The following CROCC2 variants were observed in gnomAD, a reference collection of about 807,000 sequenced individuals.
CROCC2 encodes ciliary rootlet coiled-coil, rootletin family member 2.
CROCC2 carries 163 observed loss-of-function variants against 177.6 expected under a neutral mutation model. The ratio of observed to expected loss-of-function variants is 0.92; its 90% CI spans 0.81 to 1.05. CROCC2 has a LOEUF of 1.05. Among genes scored for constraint, CROCC2 ranks in the 50% least tolerant of loss-of-function variants. CROCC2 has a pLI of 0.00. For missense variants in CROCC2, 1,929 were observed against 1,797.8 expected (o/e 1.07, Z -1.32); for synonymous variants, 904 against 787.3 (o/e 1.15, Z -2.48).
intron 24 of CROCC2, 108 bp downstream of exon 24, chr2:240,966,101 A>G: frequency 7.9e-7 from 1 of 1,268,902 alleles, no homozygotes; most frequent in Non-Finnish European, 9.9e-7. Context: ...TCGGACAGGC[A>G]ATTGTAGGAA....
Position 240,917,653 on chromosome 2 carries a change from C to G in CROCC2, c.79-1073C>G, listed in dbSNP as rs992383221. Reference sequence around the variant, plus strand: ...CAGGCAAGGAGGACTTGGGTGGACTCTGGCGTGCCATGCTGGAGAGCCCTA... The same window carrying G: ...CAGGCAAGGAGGACTTGGGTGGACTGTGGCGTGCCATGCTGGAGAGCCCTA... On this transcript the variant is annotated intron_variant, in intron 1 of 31. Transcript: ENST00000690015. The surrounding 1 kb of genome is among the most constrained non-coding windows in gnomAD (Gnocchi z 4.9). 1.3e-5 allele frequency among the ~76,000 whole-genome samples: 2 copies of G among 152,138 alleles called. No individual in the cohort carries two copies. The highest frequency in any genetic ancestry group is 4.8e-5 in the African/African-American group (2 of 41,438).
chr2:240,933,900 C>T (rs2059450252), intron 11 of CROCC2, 48 bp downstream of exon 11: 1 of 1,510,648 alleles, frequency 6.6e-7, no homozygotes, highest in African/African-American at 1.4e-5. Context: ...CAGAAGAGAC[C>T]CCACTCTGCC....
Position 240,964,503 on chromosome 2 carries a change from C to T in CROCC2, c.3343C>T (p.Leu1115Phe), listed in dbSNP as rs1469012355. 6.5e-7 allele frequency: 1 copy of T among 1,549,074 alleles called. No individual in the cohort carries two copies. The highest frequency in any genetic ancestry group is 8.7e-7 in the Non-Finnish European group (1 of 1,146,872). The change falls in exon 22 of 32, where the codon CTC (leucine) becomes TTC (phenylalanine). Residue 1115 changes from leucine (L) to phenylalanine (F), a missense_variant. Leu to Phe is a conservative substitution (Grantham distance 22, BLOSUM62 0). Around this residue, in one of 3 missense-constraint regions of CROCC2, gnomAD observed 1,397 missense variants for 1,239.9 expected, o/e 1.13. Transcript: ENST00000690015. Reference protein sequence around the residue: ...RSKEEKEQKLLILEEAQAALQ... With the variant: ...RSKEEKEQKLFILEEAQAALQ... ...CAAGGAGGAGAAGGAGCAGAAGCTGCTCATCCTGGAGGAGGCCCAGGCGGC... is the reference window on the plus strand; with the variant it reads ...CAAGGAGGAGAAGGAGCAGAAGCTGTTCATCCTGGAGGAGGCCCAGGCGGC...
chr2:240,946,678 C>G (rs1163408806), intron 15 of CROCC2, among the ~76,000 whole-genome samples: 1 of 152,240 alleles, frequency 6.6e-6, no homozygotes, highest in African/African-American at 2.4e-5. Flanking sequence ...GGCAGGCTTA[C>G]TCTGAGAGGT....
intron 20 of CROCC2, among the ~76,000 whole-genome samples, chr2:240,961,563 TCACA>T (rs369468778): frequency 0.015 from 1,165 of 78,568 alleles, 14 homozygotes; most frequent in Middle Eastern, 0.065. Flanking sequence ...CTCATCACAC[TCACA>T]CACTCATCAC....
chr2:240,943,935 G>T (rs2059508525), intron 14 of CROCC2, among the ~76,000 whole-genome samples: 2 of 152,172 alleles, frequency 1.3e-5, no homozygotes, highest in South Asian at 4.1e-4. Context: ...GACTGCGTTA[G>T]TATCTCTCTA....
At chr2:240,954,768 A>C (rs1014935693) in intron 18 of CROCC2, 12 of 152,192 alleles carry the variant, frequency 7.9e-5, no homozygotes, top group African/African-American at 2.9e-4. Context: ...CGGGTCTTTC[A>C]GCAGACAGTC....
At chr2:240,991,640 C>A (rs1048213945) in intron 31 of CROCC2, among the ~76,000 whole-genome samples, 1 of 152,212 alleles carries the variant, frequency 6.6e-6, no homozygotes, top group African/African-American at 2.4e-5. Context: ...CCTTCCCCTC[C>A]GGCAGAGAGC....
At chr2:240,938,137 C>T (rs538782987) in intron 14 of CROCC2, among the ~76,000 whole-genome samples, 1 of 152,338 alleles carries the variant, frequency 6.6e-6, no homozygotes, top group South Asian at 2.1e-4. Flanking sequence ...AATGCAAATG[C>T]TCATGCCTCA....
intron 1 of CROCC2, among the ~76,000 whole-genome samples, chr2:240,910,964 C>A (rs1330484528): frequency 6.6e-6 from 1 of 151,988 alleles, no homozygotes; most frequent in Admixed American, 6.5e-5. Flanking sequence ...AACCCCGTCT[C>A]TACTGAAAAT....
In CROCC2 at chr2:240,982,094, C is replaced by T. The variant is rs773645229; in HGVS notation, c.4402-786C>T. 8.5e-5 allele frequency: 13 copies of T among 152,062 alleles called. No homozygotes were observed. Among genetic ancestry groups the T allele is most frequent in the Middle Eastern group, 3.1e-3 (1 of 320 alleles). The allele number at this position is 152,062 out of a possible 1,614,324, so 9.4% of individuals were successfully genotyped here. The stretch of plus-strand genomic sequence containing the variant: ...CTGTGCACAGAGGGCAGCAGGTGCA[C>T]GTGATCGAAGGGATGGCGAGTTCCC... On this transcript the variant is annotated intron_variant, in intron 27 of 31. Transcript: ENST00000690015. This position sits in a 1 kb window ranked among gnomAD's most constrained non-coding sequence, Gnocchi z 4.7.
chr2:240,943,640 C>T (rs577062531), intron 14 of CROCC2, among the ~76,000 whole-genome samples: 17 of 152,034 alleles, frequency 1.1e-4, no homozygotes, highest in African/African-American at 3.4e-4. Context: ...GGCATATGCC[C>T]GGCTAATTTT....
chr2:240,946,391 G>A, intron 15 of CROCC2, 138 bp downstream of exon 15: 2 of 901,086 alleles, frequency 2.2e-6, no homozygotes, highest in Non-Finnish European at 3.2e-6. Context: ...TGGGCTGTGA[G>A]TGGAGGCGAG....
rs2059732368 is a variant in CROCC2 at position 240,972,984 on chromosome 2, G to T, written c.4401+4722G>T. On this transcript the variant is annotated intron_variant, in intron 27 of 31. Coordinates refer to ENST00000690015, the MANE Select transcript of CROCC2 (RefSeq NM_001351305.2). The surrounding 1 kb of genome is among the most constrained non-coding windows in gnomAD (Gnocchi z 7.1). ...TGGGAACATAGCCATGCTCCCTGCTGCCCCATGCCCCTTGCTGAGCAGGGG... is the reference window on the plus strand; with the variant it reads ...TGGGAACATAGCCATGCTCCCTGCTTCCCCATGCCCCTTGCTGAGCAGGGG... Among the ~76,000 whole-genome samples, 1 of 152,048 alleles carries T rather than the reference G, an allele frequency of 6.6e-6. No individual in the cohort carries two copies. The highest frequency in any genetic ancestry group is 2.1e-4 in the South Asian group (1 of 4,818).
chr2:240,958,619 G>C lies in CROCC2; in HGVS notation c.2944-682G>C, dbSNP rs1215009355. 2 of 984,682 alleles carry C rather than the reference G, an allele frequency of 2.0e-6. No homozygotes were observed. Among genetic ancestry groups the C allele is most frequent in the African/African-American group, 3.5e-5 (2 of 57,212 alleles). The allele number at this position is 984,682 out of a possible 1,614,324, so 61.0% of individuals were successfully genotyped here. Reference sequence around the variant, plus strand: ...TGCTGCTGCCTGGAGGCTTGGTCCAGTCCCCTGAACCCAGGGGTGCAGAGC... The same window carrying C: ...TGCTGCTGCCTGGAGGCTTGGTCCACTCCCCTGAACCCAGGGGTGCAGAGC... On this transcript the variant is annotated intron_variant, in intron 19 of 31. Transcript: ENST00000690015. This position sits in a 1 kb window ranked among gnomAD's most constrained non-coding sequence, Gnocchi z 6.7.
chr2:240,943,695 G>A (rs2059506722), intron 14 of CROCC2, among the ~76,000 whole-genome samples: 1 of 151,928 alleles, frequency 6.6e-6, no homozygotes, highest in Non-Finnish European at 1.5e-5. Flanking sequence ...GGCCAGGTTG[G>A]TCTCGAACTC....
chr2:240,934,960 G>A lies in CROCC2; in HGVS notation c.1836G>A (p.Leu612=), dbSNP rs923163611. 1.5e-4 allele frequency: 228 copies of A among 1,518,078 alleles called. No homozygotes were observed. The highest frequency in any genetic ancestry group is 2.0e-4 in the Non-Finnish European group (222 of 1,131,908). The allele number at this position is 1,518,078 out of a possible 1,614,324, so 94.0% of individuals were successfully genotyped here. Reference sequence around the variant, plus strand: ...ACCTGGAGCTTCTTGTGAGGCGGCTGAAGTCGGAGGGAGTGGAGCAAAGGG... The same window carrying A: ...ACCTGGAGCTTCTTGTGAGGCGGCTAAAGTCGGAGGGAGTGGAGCAAAGGG... The part of the protein sequence containing the change: ...NADLELLVRR[L]KSEGVEQRDS... The change falls in exon 13 of 32, where the codon CTG becomes CTA. Residue 612 remains leucine, a synonymous_variant. Coordinates refer to ENST00000690015, the MANE Select transcript of CROCC2 (RefSeq NM_001351305.2).
chr2:240,949,520 C>T lies in CROCC2; in HGVS notation c.2483-13C>T, dbSNP rs1308787581. 1 of 1,549,292 alleles carries T rather than the reference C, an allele frequency of 6.5e-7. No individual in the cohort carries two copies. Among genetic ancestry groups the T allele is most frequent in the Admixed American group, 2.0e-5 (1 of 50,984 alleles). ...ATGCCAGGCCCTGGTGCATCTCACC[C>T]ATCACCCCACAGTGGAAATGGAGCA... On this transcript the variant is annotated splice_polypyrimidine_tract_variant and intron_variant, in intron 16 of 31. Coordinates refer to ENST00000690015, the MANE Select transcript of CROCC2 (RefSeq NM_001351305.2). This position sits in a 1 kb window ranked among gnomAD's most constrained non-coding sequence, Gnocchi z 4.5.
intron 1 of CROCC2, among the ~76,000 whole-genome samples, chr2:240,915,492 G>A (rs1383107052): frequency 8.5e-5 from 13 of 152,208 alleles, no homozygotes; most frequent in South Asian, 2.1e-4. Flanking sequence ...GATGGCCAAC[G>A]CTCCCATTTC....
Sources: allele counts gnomAD v4.1 joint callset (sites outside exome capture counted in the v4.1 genomes callset), GRCh38; gene constraint gnomAD v4.1.1; regional missense constraint gnomAD v4.1.1; non-coding constraint Gnocchi (gnomAD v3.1); transcripts MANE v1.5; gene names NCBI Gene and HGNC (gene_info 2026-07-23, HGNC 2026-07-21).